The following CLDN10 variants were observed in gnomAD, a reference collection of about 807,000 sequenced individuals.
CLDN10 encodes claudin 10.
A neutral mutation model predicts 22.9 loss-of-function variants in CLDN10; 15 were observed. The observed-to-expected ratio is 0.65, with a 90% CI of 0.44 to 1.01. The LOEUF (loss-of-function observed/expected upper bound fraction) is 1.01. Among genes scored for constraint, CLDN10 ranks in the 50% least tolerant of loss-of-function variants. CLDN10 has a pLI of 0.00. For missense variants in CLDN10, 247 were observed against 287.8 expected, an observed-to-expected ratio of 0.86 and a Z score of 1.03; for synonymous variants, 114 against 111.4, an observed-to-expected ratio of 1.02 and a Z score of -0.15.
In CLDN10 at chr13:95,508,822, C is replaced by T. The variant is rs371352142; in HGVS notation, c.215-51310C>T. ...GTCTGGTGGGTTCCAGGCTGAAGCA[C>T]AAAGAGCTGGTGGCTATGGAGGATT... On this transcript the variant is annotated intron_variant, in intron 1 of 4. Coordinates refer to the CLDN10 transcript ENST00000376873. Among the ~76,000 whole-genome samples, 259 of 152,286 alleles carry T rather than the reference C, an allele frequency of 1.7e-3. 5 individuals are homozygous for T. The South Asian group carries it at 0.05, about 30-fold the overall frequency.
chr13:95,464,974 A>G (rs2042570155), intron 1 of CLDN10, among the ~76,000 whole-genome samples: 1 of 152,048 alleles, frequency 6.6e-6, no homozygotes, highest in African/African-American at 2.4e-5. Context: ...TCATCCGCCT[A>G]CCTTGGCCTC....
chr13:95,437,611 G>A (rs930154639), intron 1 of CLDN10, among the ~76,000 whole-genome samples: 1 of 152,146 alleles, frequency 6.6e-6, no homozygotes, highest in Non-Finnish European at 1.5e-5. Flanking sequence ...GCACATGCTG[G>A]GTTCCGGATA....
rs766998645 is a variant in CLDN10 at position 95,552,946 on chromosome 13, G to T, written c.193G>T (p.Asp65Tyr). Residue 65 changes from aspartate to tyrosine, a missense_variant, in exon 1 of 5, where the codon GAC becomes TAC. Asp to Tyr is a radical substitution (Grantham distance 160). Transcript: ENST00000299339. The stretch of plus-strand genomic sequence containing the variant: ...CTCCACGGGCGTCTCCAACTGCAAG[G>T]ACTTCCCCTCCATGCTGGCGCTGGA... ...TDSTGVSNCKDFPSMLALDGY... is the reference protein window; with the variant it reads ...TDSTGVSNCKYFPSMLALDGY... The T allele has an allele frequency of 2.5e-6, 4 of 1,614,050 alleles. No individual in the cohort carries two copies. Among genetic ancestry groups the T allele is most frequent in the Non-Finnish European group, 3.4e-6 (4 of 1,179,986 alleles).
intron 1 of CLDN10, among the ~76,000 whole-genome samples, chr13:95,490,194 T>A (rs2042857064): frequency 6.6e-6 from 1 of 152,232 alleles, no homozygotes; most frequent in South Asian, 2.1e-4. Context: ...CTGGTTTGGC[T>A]ATGTGGGCTC....
chr13:95,523,178 T>A (rs9561896), intron 1 of CLDN10, among the ~76,000 whole-genome samples: 59,289 of 151,904 alleles, frequency 0.39, 11,814 homozygotes, highest in African/African-American at 0.45. Flanking sequence ...TCTATCTTTT[T>A]TTGTTAATTT....
At chr13:95,562,885 C>T (rs935923147) in intron 3 of CLDN10, among the ~76,000 whole-genome samples, 4 of 152,162 alleles carry the variant, frequency 2.6e-5, no homozygotes, top group African/African-American at 9.7e-5. Context: ...CCTATCTTTG[C>T]GTGACTGTTT....
chr13:95,505,749 CTTT>C lies in CLDN10; in HGVS notation c.215-54362_215-54360del, dbSNP rs34828390. Among the ~76,000 whole-genome samples the C allele has an allele frequency of 4.2e-3, 440 of 103,688 alleles. 2 individuals are homozygous for C. The highest frequency in any genetic ancestry group is 0.015 in the African/African-American group (410 of 27,740). 68.0% of individuals were successfully genotyped at this position (103,688 alleles called of 152,430 possible). On this transcript the variant is annotated intron_variant, in intron 1 of 4. Coordinates refer to the CLDN10 transcript ENST00000376873. ...GGCTTGTGCCAAGACCCTTCCCTTT[CTTT>C]TTTTTTTTTTTTTTTTTTTTGAGAC...
At chr13:95,570,883 T>TATATATATAG (rs1491015387) in intron 3 of CLDN10, among the ~76,000 whole-genome samples, 1 of 140,210 alleles carries the variant, frequency 7.1e-6, no homozygotes, top group Non-Finnish European at 1.6e-5. Flanking sequence ...TATATATATA[T>TATATATATAG]AGACCAGTTT....
chr13:95,545,387 T>C (rs1428061378), intron 1 of CLDN10, among the ~76,000 whole-genome samples: 2 of 151,506 alleles, frequency 1.3e-5, no homozygotes, highest in Non-Finnish European at 2.9e-5. Context: ...CCACTAAAAA[T>C]ACAAAATTAC....
intron 1 of CLDN10, among the ~76,000 whole-genome samples, chr13:95,536,176 T>C (rs1222581672): frequency 1.3e-4 from 7 of 53,556 alleles, no homozygotes; most frequent in African/African-American, 3.2e-4. Flanking sequence ...TGTATTTTCC[T>C]AAATTTGAAA....
At chr13:95,511,997 C>G (rs1472745872) in intron 1 of CLDN10, among the ~76,000 whole-genome samples, 13 of 130,656 alleles carry the variant, frequency 9.9e-5, no homozygotes, top group South Asian at 4.9e-4. Context: ...TATCCCCCCC[C>G]TCTCCCCCCA....
chr13:95,557,039 G>C (rs1173005645), intron 1 of CLDN10, among the ~76,000 whole-genome samples: 1 of 152,180 alleles, frequency 6.6e-6, no homozygotes, highest in Admixed American at 6.5e-5. Context: ...TCCTTTCAAA[G>C]TACCACTTGA....
chr13:95,512,223 T>A (rs7331782), intron 1 of CLDN10, among the ~76,000 whole-genome samples: 94,661 of 99,278 alleles, frequency 0.95, 45,516 homozygotes, highest in South Asian at 1. Flanking sequence ...CAATGATAGA[T>A]CTAGGAAAAG....
At chr13:95,512,380 G>C (rs1222912506) in intron 1 of CLDN10, among the ~76,000 whole-genome samples, 1 of 152,108 alleles carries the variant, frequency 6.6e-6, no homozygotes, top group East Asian at 1.9e-4. Context: ...AGTCATCTTA[G>C]ATAAAGATTC....
chr13:95,526,192 C>T (rs2043279138), intron 1 of CLDN10, among the ~76,000 whole-genome samples: 1 of 152,010 alleles, frequency 6.6e-6, no homozygotes. Context: ...TCTTTTATTT[C>T]TGTGAAAATA....
intron 1 of CLDN10, among the ~76,000 whole-genome samples, chr13:95,527,233 A>G (rs1172523792): frequency 6.6e-6 from 1 of 152,162 alleles, no homozygotes; most frequent in African/African-American, 2.4e-5. Flanking sequence ...CTGTTCATGA[A>G]TGCTATTTTC....
intron 1 of CLDN10, among the ~76,000 whole-genome samples, chr13:95,442,180 G>A (rs1438288925): frequency 1.3e-5 from 2 of 152,058 alleles, no homozygotes; most frequent in African/African-American, 4.8e-5. Flanking sequence ...AATAACACAG[G>A]CAAAGTGTCT....
chr13:95,449,231 CTCTG>C (rs767535977), intron 1 of CLDN10, among the ~76,000 whole-genome samples: 4 of 152,142 alleles, frequency 2.6e-5, no homozygotes, highest in Non-Finnish European at 5.9e-5. Context: ...GTGACTTAAA[CTCTG>C]TCTGTGTTTC....
At chr13:95,542,194 C>A (rs972936234) in intron 1 of CLDN10, among the ~76,000 whole-genome samples, 3 of 152,188 alleles carry the variant, frequency 2.0e-5, no homozygotes, top group African/African-American at 4.8e-5. Flanking sequence ...TGGTGCTGAA[C>A]CATTCGTGAG....
Sources: allele counts gnomAD v4.1 joint callset (sites outside exome capture counted in the v4.1 genomes callset), GRCh38; gene constraint gnomAD v4.1.1; transcripts MANE v1.5; gene names NCBI Gene and HGNC (gene_info 2026-07-23, HGNC 2026-07-21).